ADGRB3: variants seen among roughly 807,000 people sequenced by gnomAD.
ADGRB3 encodes the protein adhesion G protein-coupled receptor B3, also known as brain-specific angiogenesis inhibitor 3.
A neutral mutation model predicts 193.4 loss-of-function variants in ADGRB3; 37 were observed. The ratio of observed to expected loss-of-function variants is 0.19; its 90% CI spans 0.15 to 0.25. ADGRB3 has a LOEUF of 0.25. Ranked by LOEUF, ADGRB3 falls within the 10% of genes least tolerant of loss-of-function variation. The probability of loss-of-function intolerance (pLI) is 1.00; values close to 1 mark genes in which losing one functional copy is unlikely to be tolerated. For missense variants in ADGRB3, 1,637 were observed against 1,852.9 expected, an observed-to-expected ratio of 0.88 and a Z score of 2.14; for synonymous variants, 690 against 644.2, an observed-to-expected ratio of 1.07 and a Z score of -1.08.
chr6:68,956,703 C>A lies in ADGRB3; in HGVS notation c.1419C>A (p.Gly473=), dbSNP rs199826937. The change falls in exon 8 of 32, where the codon GGC becomes GGA. Residue 473 remains glycine (G), a synonymous_variant. Coordinates refer to ENST00000370598, the MANE Select transcript of ADGRB3 (RefSeq NM_001704.3). ...HWSGCSKSCD[G]GWERRIRTCQ... ...GTGGTTGTTCCAAGTCCTGTGATGG[C>A]GGCTGGGAAAGGCGAATAAGGACCT... 4 of 1,613,654 alleles carry A rather than the reference C, an allele frequency of 2.5e-6. No homozygotes were observed. The South Asian group carries it at 3.3e-5, about 13-fold the overall frequency.
At chr6:69,228,914 G>T (rs1766077609) in intron 17 of ADGRB3, among the ~76,000 whole-genome samples, 2 of 152,152 alleles carry the variant, frequency 1.3e-5, no homozygotes, top group South Asian at 4.1e-4. Flanking sequence ...AAAACTAAGT[G>T]TTTGGAAAAG....
At chr6:69,090,183 T>A (rs1772665976) in intron 17 of ADGRB3, among the ~76,000 whole-genome samples, 1 of 152,182 alleles carries the variant, frequency 6.6e-6, no homozygotes, top group South Asian at 2.1e-4. Flanking sequence ...TGTGTAACCT[T>A]AATATTACAT....
At chr6:69,367,060 C>A (rs1360646192) in intron 29 of ADGRB3, among the ~76,000 whole-genome samples, 2 of 152,070 alleles carry the variant, frequency 1.3e-5, no homozygotes, top group African/African-American at 4.8e-5. Flanking sequence ...GTCTGGGAAG[C>A]ATCTGAAAGT....
intron 16 of ADGRB3, among the ~76,000 whole-genome samples, chr6:69,075,566 G>C (rs1029998405): frequency 3.9e-5 from 6 of 152,134 alleles, no homozygotes; most frequent in African/African-American, 1.4e-4. Context: ...AGGCTGAAGA[G>C]GAGGTAGTGG....
intron 20 of ADGRB3, among the ~76,000 whole-genome samples, chr6:69,304,827 GT>G (rs1235071736): frequency 6.6e-6 from 1 of 151,464 alleles, no homozygotes; most frequent in East Asian, 1.9e-4. Context: ...AGGTACTAGT[GT>G]TTCTATTTTC....
chr6:68,967,003 A>T (rs1321669189), intron 8 of ADGRB3, among the ~76,000 whole-genome samples: 1 of 152,216 alleles, frequency 6.6e-6, no homozygotes, highest in Non-Finnish European at 1.5e-5. Context: ...TCTTCAAAGA[A>T]TGCCAAGTCA....
Position 69,075,964 on chromosome 6 carries a change from T to G in ADGRB3, c.2437-31T>G, listed in dbSNP as rs761036153. 8.2e-5 allele frequency: 128 copies of G among 1,558,960 alleles called. 1 individual carries two copies. Among genetic ancestry groups the G allele is most frequent in the Admixed American group, 5.7e-4 (34 of 59,764 alleles). On this transcript the variant is annotated intron_variant, in intron 16 of 31. Coordinates refer to ENST00000370598, the MANE Select transcript of ADGRB3 (RefSeq NM_001704.3). ...AATCTTTTTATATATGTACTCAAGA[T>G]ATATGCATTCTTTCTCTGCTTTTTT...
intron 3 of ADGRB3, among the ~76,000 whole-genome samples, chr6:68,661,835 G>A (rs1314388774): frequency 6.6e-6 from 1 of 150,878 alleles, no homozygotes; most frequent in Non-Finnish European, 1.5e-5. Flanking sequence ...AAGGGGAATA[G>A]GGAACCAGAT....
intron 3 of ADGRB3, among the ~76,000 whole-genome samples, chr6:68,885,784 A>G (rs2150226783): frequency 6.6e-6 from 1 of 152,274 alleles, no homozygotes; most frequent in Non-Finnish European, 1.5e-5. Flanking sequence ...TGGAGTAGGG[A>G]AATACTAGGA....
At chr6:68,783,983 A>G (rs1202159689) in intron 3 of ADGRB3, among the ~76,000 whole-genome samples, 1 of 152,032 alleles carries the variant, frequency 6.6e-6, no homozygotes, top group Non-Finnish European at 1.5e-5. Flanking sequence ...CAGTGTTCTT[A>G]ATAAGAGACT....
At chr6:68,993,244 A>G (rs762613291) in intron 10 of ADGRB3, among the ~76,000 whole-genome samples, 18 of 152,266 alleles carry the variant, frequency 1.2e-4, no homozygotes, top group Non-Finnish European at 1.8e-4. Context: ...ATGTCATAGT[A>G]AATCTCCAAA....
intron 17 of ADGRB3, among the ~76,000 whole-genome samples, chr6:69,105,768 A>G (rs1468889692): frequency 6.6e-6 from 1 of 152,228 alleles, no homozygotes; most frequent in Non-Finnish European, 1.5e-5. Flanking sequence ...CTACAAAGCT[A>G]GAAAGTGTCA....
intron 3 of ADGRB3, among the ~76,000 whole-genome samples, chr6:68,870,889 G>C (rs980257509): frequency 2.6e-5 from 4 of 152,180 alleles, no homozygotes; most frequent in African/African-American, 9.7e-5. Flanking sequence ...CCACTCTTTA[G>C]AAGGTGAGAT....
chr6:69,097,527 C>T lies in ADGRB3; in HGVS notation c.2480+21489C>T, dbSNP rs182609958. Among the ~76,000 whole-genome samples, 228 of 152,290 alleles carry T rather than the reference C, an allele frequency of 1.5e-3. 1 individual carries two copies. The highest frequency in any genetic ancestry group is 5.2e-3 in the African/African-American group (215 of 41,576). On this transcript the variant is annotated intron_variant, in intron 17 of 31. Coordinates refer to ENST00000370598, the MANE Select transcript of ADGRB3 (RefSeq NM_001704.3). ...TTGAGACAATTTGTCTCAATAGATTCTACTTTTCTATATGGTAGTAAGAAT... is the reference window on the plus strand; with the variant it reads ...TTGAGACAATTTGTCTCAATAGATTTTACTTTTCTATATGGTAGTAAGAAT...
intron 3 of ADGRB3, among the ~76,000 whole-genome samples, chr6:68,640,594 G>C (rs75810341): frequency 6.6e-6 from 1 of 152,216 alleles, no homozygotes; most frequent in Non-Finnish European, 1.5e-5. Flanking sequence ...TCTGTGGAAA[G>C]GGACAGCCAA....
chr6:68,689,663 T>G (rs1251158319), intron 3 of ADGRB3, among the ~76,000 whole-genome samples: 3 of 152,110 alleles, frequency 2.0e-5, no homozygotes, highest in African/African-American at 7.2e-5. Context: ...TCTGTTTTGT[T>G]TGTTTGTTTG....
intron 17 of ADGRB3, among the ~76,000 whole-genome samples, chr6:69,078,806 T>C (rs948377507): frequency 6.6e-6 from 1 of 152,054 alleles, no homozygotes; most frequent in Non-Finnish European, 1.5e-5. Flanking sequence ...CCACCTGTCT[T>C]CCTCACTAGA....
intron 3 of ADGRB3, among the ~76,000 whole-genome samples, chr6:68,640,078 A>T (rs1444500695): frequency 6.6e-6 from 1 of 152,204 alleles, no homozygotes; most frequent in Non-Finnish European, 1.5e-5. Context: ...GGTCAGAAGG[A>T]ACTCACTAGA....
At chr6:69,169,701 C>A (rs1005861871) in intron 17 of ADGRB3, among the ~76,000 whole-genome samples, 1 of 151,924 alleles carries the variant, frequency 6.6e-6, no homozygotes, top group Non-Finnish European at 1.5e-5. Context: ...TAAACAAGAT[C>A]TTCTGAGGAA....
Sources: allele counts gnomAD v4.1 joint callset (sites outside exome capture counted in the v4.1 genomes callset), GRCh38; gene constraint gnomAD v4.1.1; transcripts MANE v1.5; gene names NCBI Gene and HGNC (gene_info 2026-07-23, HGNC 2026-07-21).